The following SP3 variants were observed in gnomAD, a reference collection of about 807,000 sequenced individuals.
The protein encoded by SP3 is Sp3 transcription factor.
Under a neutral mutation model 70.3 loss-of-function variants are expected in SP3, and 10 were observed. That is an observed-to-expected ratio of 0.14 (90% CI 0.09 to 0.24). The LOEUF is 0.24. SP3 is among the 10% of genes least tolerant of loss of function. The pLI, the probability that SP3 is intolerant of heterozygous loss-of-function variation, is 1.00. For missense variants in SP3, 825 were observed against 914.6 expected (o/e 0.90, Z 1.26); for synonymous variants, 402 against 333.5 (o/e 1.21, Z -2.24).
At chr2:173,960,348 C>T (rs939846545) in intron 3 of SP3, among the ~76,000 whole-genome samples, 1 of 152,252 alleles carries the variant, frequency 6.6e-6, no homozygotes, top group East Asian at 1.9e-4. Flanking sequence ...CCACGAATGC[C>T]TTTACGAAAG....
At chr2:173,918,981 A>T (rs1689678624) in intron 4 of SP3, among the ~76,000 whole-genome samples, 196 bp from the exon 5 acceptor site, 1 of 152,194 alleles carries the variant, frequency 6.6e-6, no homozygotes, top group Non-Finnish European at 1.5e-5. Context: ...AATCTCCTGT[A>T]TAAATGCTTA....
chr2:173,929,118 TCCAAGGTTG>T (rs1208147514), intron 4 of SP3, among the ~76,000 whole-genome samples: 1 of 152,192 alleles, frequency 6.6e-6, no homozygotes, highest in Non-Finnish European at 1.5e-5. Context: ...GATACATGCT[TCCAAGGTTG>T]CCTTGCCAAA....
intron 4 of SP3, among the ~76,000 whole-genome samples, chr2:173,920,083 AG>A (rs953085074): frequency 2.0e-5 from 3 of 150,724 alleles, no homozygotes; most frequent in Non-Finnish European, 4.4e-5. Context: ...GAACAAAAGA[AG>A]CCCCCCCGCA....
In SP3 at chr2:173,955,480, A is replaced by G; in HGVS notation, c.1032T>C (p.Asp344=). Residue 344 remains aspartate, a synonymous_variant, in exon 4 of 7, where the codon GAT becomes GAC. Coordinates refer to ENST00000310015, the MANE Select transcript of SP3 (RefSeq NM_003111.5). The stretch of plus-strand genomic sequence containing the variant: ...TGTTTTGTTGTAATATACCTGTACT[A>G]TCTATCGTAACAGGCAACTGTGATG... ...SSSSQLPVTI[D]STGILQQNTN... The G allele has an allele frequency of 6.2e-7, 1 of 1,614,172 alleles. No homozygotes were observed. Among genetic ancestry groups the G allele is most frequent in the Non-Finnish European group, 8.5e-7 (1 of 1,180,030 alleles).
intron 4 of SP3, among the ~76,000 whole-genome samples, chr2:173,952,560 G>A (rs1007155264): frequency 6.6e-6 from 1 of 152,118 alleles, no homozygotes; most frequent in Admixed American, 6.6e-5. Context: ...CCAGTCCCAG[G>A]TACATACCCA....
rs7588720 is a variant in SP3, at chr2:173,944,101, A to C, written c.1639+10772T>G. Among the ~76,000 whole-genome samples the C allele has an allele frequency of 8.2e-3, 1,247 of 152,396 alleles. 20 individuals are homozygous for C. The highest frequency in any genetic ancestry group is 0.028 in the African/African-American group (1,178 of 41,596). On this transcript the variant is annotated intron_variant, in intron 4 of 6. Transcript: ENST00000310015. ...GCTGACTGAAACATCATTATGCAGC[A>C]TGTGACTATAACCTCAAACATTTGT...
intron 4 of SP3, among the ~76,000 whole-genome samples, chr2:173,954,642 A>C (rs1334220516): frequency 1.3e-5 from 2 of 152,232 alleles, no homozygotes; most frequent in Non-Finnish European, 2.9e-5. Flanking sequence ...AAAAACTATA[A>C]ATGTTAATTG....
In SP3 at chr2:173,904,838, A is replaced by G. The variant is rs1321584707; in HGVS notation, c.*5103T>C. On this transcript the variant is annotated 3_prime_UTR_variant, in exon 7 of 7. Coordinates refer to ENST00000310015, the MANE Select transcript of SP3 (RefSeq NM_003111.5). ...GTTGTTGTCGATTAATCGGAGGCTT[A>G]GACTTTTTTTTGTGGGGGAAGGATG... Among the ~76,000 whole-genome samples the G allele has an allele frequency of 2.0e-5, 3 of 152,114 alleles. No individual in the cohort carries two copies. Among genetic ancestry groups the G allele is most frequent in the African/African-American group, 7.3e-5 (3 of 41,346 alleles).
At chr2:173,931,925 T>C (rs982156839) in intron 4 of SP3, among the ~76,000 whole-genome samples, 2 of 152,190 alleles carry the variant, frequency 1.3e-5, no homozygotes, top group Non-Finnish European at 2.9e-5. Flanking sequence ...CACTAAAATT[T>C]TCTCCATATC....
chr2:173,913,299 T>C (rs1304014817), intron 5 of SP3, 33 bp from the exon 6 acceptor site: 8 of 1,386,346 alleles, frequency 5.8e-6, no homozygotes, highest in South Asian at 5.4e-5. Flanking sequence ...TATATACTTA[T>C]ATGAAAATAT....
At chr2:173,953,111 A>G (rs908014508) in intron 4 of SP3, among the ~76,000 whole-genome samples, 1 of 152,228 alleles carries the variant, frequency 6.6e-6, no homozygotes, top group Non-Finnish European at 1.5e-5. Context: ...GATTTAGTAA[A>G]TATCTTTTCT....
At chr2:173,916,511 A>AG (rs1361109894) in intron 5 of SP3, 3 of 152,114 alleles carry the variant, frequency 2.0e-5, no homozygotes, top group African/African-American at 7.2e-5. Flanking sequence ...ACAAAAAAAA[A>AG]GAAACAATTC....
Position 173,919,704 on chromosome 2 carries a change from G to A in SP3, c.1640-919C>T, listed in dbSNP as rs536091323. Reference sequence around the variant, plus strand: ...ATGACGAGAAATTTTAAAACAGACCGTACAGACTGTTGGCAAAGATGTGGA... The same window carrying A: ...ATGACGAGAAATTTTAAAACAGACCATACAGACTGTTGGCAAAGATGTGGA... On this transcript the variant is annotated intron_variant, in intron 4 of 6. Transcript: ENST00000310015. 3.2e-4 allele frequency among the ~76,000 whole-genome samples: 49 copies of A among 152,222 alleles called. 2 individuals are homozygous for A. The South Asian group carries it at 4.8e-3, about 15-fold the overall frequency.
At chr2:173,961,861 G>A (rs1254914085) in intron 3 of SP3, among the ~76,000 whole-genome samples, 2 of 149,842 alleles carry the variant, frequency 1.3e-5, no homozygotes, top group Non-Finnish European at 3.0e-5. Flanking sequence ...ATACACACAA[G>A]CCAGTCTTAC....
Position 173,955,798 on chromosome 2 carries a change from T to C in SP3, c.714A>G (p.Gly238=). Residue 238 remains glycine, a synonymous_variant, in exon 4 of 7, where the codon GGA becomes GGG. Transcript: ENST00000310015. ...GAAAAGATGAACCACCAATTGCAAC[T>C]CCCTGAACCTGGACTTGACCAGTCT... ...IPQTGQVQVQ[G]VAIGGSSFPG... 2 of 1,614,176 alleles carry C rather than the reference T, an allele frequency of 1.2e-6. No homozygotes were observed. Among genetic ancestry groups the C allele is most frequent in the Non-Finnish European group, 1.7e-6 (2 of 1,180,024 alleles).
At chr2:173,963,914 G>T in intron 2 of SP3, 31 bp from the exon 3 acceptor site, 1 of 1,425,390 alleles carries the variant, frequency 7.0e-7, no homozygotes. Context: ...CAGAGAGGGA[G>T]ACAGGGGGAG....
rs1689203983 is a variant in SP3 at position 173,902,315 on chromosome 2, T to C, written c.*7626A>G. ...TCATTGTTATTCATTGGAAAAAACA[T>C]ATCTGCCAAGGCAGGATTGGGAGGG... On this transcript the variant is annotated 3_prime_UTR_variant, in exon 7 of 7. Coordinates refer to ENST00000310015, the MANE Select transcript of SP3 (RefSeq NM_003111.5). Among the ~76,000 whole-genome samples, 1 of 152,346 alleles carries C rather than the reference T, an allele frequency of 6.6e-6. No homozygotes were observed. The highest frequency in any genetic ancestry group is 3.4e-3 in the Middle Eastern group (1 of 294).
rs1298073543 is a variant in SP3, at chr2:173,963,778, G to T, written c.262C>A (p.Pro88Thr). 3 of 1,350,238 alleles carry T rather than the reference G, an allele frequency of 2.2e-6. 1 individual carries two copies. Among genetic ancestry groups the T allele is most frequent in the South Asian group, 3.0e-5 (2 of 66,252 alleles). The allele number at this position is 1,350,238 out of a possible 1,614,324, so 83.6% of individuals were successfully genotyped here. A position where few individuals can be genotyped will look rare whatever the true frequency, so the allele number is the denominator to read the frequency against. Residue 88 changes from proline to threonine, a missense_variant, in exon 3 of 7, where the codon CCC (proline) becomes ACC (threonine). Coordinates refer to ENST00000310015, the MANE Select transcript of SP3 (RefSeq NM_003111.5). ...EEEAAAAAGA[P>T]AAAGATGDLA... ...GGACTTACCGCTCCGGCGGCGGCGG[G>T]GGCCCCGGCTGCGGCGGCCGCCTCC...
At chr2:173,923,766 A>T (rs1301625964) in intron 4 of SP3, among the ~76,000 whole-genome samples, 1 of 151,792 alleles carries the variant, frequency 6.6e-6, no homozygotes, top group East Asian at 1.9e-4. Context: ...AATTTGATTT[A>T]GAATCAAATT....
Sources: allele counts gnomAD v4.1 joint callset (sites outside exome capture counted in the v4.1 genomes callset), GRCh38; gene constraint gnomAD v4.1.1; transcripts MANE v1.5; gene names NCBI Gene and HGNC (gene_info 2026-07-23, HGNC 2026-07-21).